Variants in FLNB observed in about 807,000 individuals in gnomAD.
FLNB encodes the protein filamin B.
FLNB carries 111 observed loss-of-function variants against 250.6 expected under a neutral mutation model. That is an observed-to-expected ratio of 0.44 (90% confidence interval 0.38 to 0.52). The LOEUF is 0.52. Among genes scored for constraint, FLNB ranks in the 20% least tolerant of loss-of-function variants. The pLI, the probability that FLNB is intolerant of heterozygous loss-of-function variation, is 0.00. For missense variants in FLNB, 2,869 were observed against 3,447.8 expected, an observed-to-expected ratio of 0.83 and a Z score of 4.20; for synonymous variants, 1,302 against 1,372.1, an observed-to-expected ratio of 0.95 and a Z score of 1.13.
chr3:58,156,790 A>G (rs1048378722), intron 41 of FLNB, among the ~76,000 whole-genome samples: 1 of 152,134 alleles, frequency 6.6e-6, no homozygotes, highest in Non-Finnish European at 1.5e-5. Flanking sequence ...TCTGCCTCCC[A>G]GGTTCAAGTG....
chr3:58,161,856 C>T (rs1258220571), intron 42 of FLNB, among the ~76,000 whole-genome samples: 2 of 152,192 alleles, frequency 1.3e-5, no homozygotes, highest in African/African-American at 2.4e-5. Context: ...AAGAGAGACA[C>T]CCTCTCAGGA....
intron 42 of FLNB, among the ~76,000 whole-genome samples, chr3:58,162,000 G>T (rs944627775): frequency 6.6e-6 from 1 of 152,164 alleles, no homozygotes. Context: ...ATTGACTAAG[G>T]CTTAGTGAAG....
chr3:58,152,824 A>G lies in FLNB; in HGVS notation c.6368-551A>G, dbSNP rs562501612. ...CCGCATGCGGCCGCCTGGCCTCACC[A>G]CGGCAGTGCAGGCACAGTCGTTGGC... On this transcript the variant is annotated intron_variant, in intron 38 of 45. Transcript: ENST00000295956. 239 of 1,077,888 alleles carry G rather than the reference A, an allele frequency of 2.2e-4. 8 individuals are homozygous for G. In the South Asian group the frequency reaches 2.8e-3, roughly 13 times the overall value. 66.8% of individuals were successfully genotyped at this position (1,077,888 alleles called of 1,614,324 possible).
At chr3:58,029,870 GT>G (rs5849232) in intron 1 of FLNB, among the ~76,000 whole-genome samples, 114,003 of 151,850 alleles carry the variant, frequency 0.75, 43,784 homozygotes, top group East Asian at 0.95. Flanking sequence ...TTGACTGAGT[GT>G]ACATGCTTTC....
chr3:58,106,352 C>CTATATATATATATA lies in FLNB; in HGVS notation c.1748-316_1748-303dup, dbSNP rs10540627. 1.5e-3 allele frequency among the ~76,000 whole-genome samples: 196 copies of CTATATATATATATA among 132,950 alleles called. 5 individuals carry two copies. The highest frequency in any genetic ancestry group is 2.4e-3 in the African/African-American group (90 of 36,858). The allele number at this position is 132,950 out of a possible 152,430, so 87.2% of individuals were successfully genotyped here. A position where few individuals can be genotyped will look rare whatever the true frequency, so the allele number is the denominator to read the frequency against. ...TAAAATACATATAATGTATTTAATA[C>CTATATATATATATA]TATATATATATATATATATATATAT... On this transcript the variant is annotated intron_variant, in intron 11 of 45. Coordinates refer to ENST00000295956, the MANE Select transcript of FLNB (RefSeq NM_001457.4).
chr3:58,025,032 T>A (rs977288837), intron 1 of FLNB, among the ~76,000 whole-genome samples: 2 of 123,012 alleles, frequency 1.6e-5, no homozygotes, highest in African/African-American at 5.9e-5. Context: ...TTTTTTTTTT[T>A]AAGTAGCTCC....
intron 36 of FLNB, chr3:58,149,103 G>A: frequency 1.9e-6 from 1 of 514,070 alleles, no homozygotes; most frequent in Non-Finnish European, 3.5e-6. Context: ...TGAACCCAGA[G>A]CCACAACACC....
intron 1 of FLNB, among the ~76,000 whole-genome samples, chr3:58,026,046 T>A (rs1157369773): frequency 6.6e-6 from 1 of 152,228 alleles, no homozygotes; most frequent in Non-Finnish European, 1.5e-5. Context: ...CAGCTGCTGC[T>A]GTTGTGGTGT....
Position 58,142,047 on chromosome 3 carries a change from G to A in FLNB, c.5181+118G>A. 1 of 823,294 alleles carries A rather than the reference G, an allele frequency of 1.2e-6. No homozygotes were observed. Among genetic ancestry groups the A allele is most frequent in the South Asian group, 1.4e-5 (1 of 71,500 alleles). 51.0% of individuals were successfully genotyped at this position (823,294 alleles called of 1,614,324 possible). On this transcript the variant is annotated intron_variant, in intron 30 of 45. Coordinates refer to ENST00000295956, the MANE Select transcript of FLNB (RefSeq NM_001457.4). This position sits in a 1 kb window ranked among gnomAD's most constrained non-coding sequence, Gnocchi z 4.3. ...CTGTGGGTGTCCTGGTCATTGGTGTGCCCCTCACTGATCAGCCCATCACGA... is the reference window on the plus strand; with the variant it reads ...CTGTGGGTGTCCTGGTCATTGGTGTACCCCTCACTGATCAGCCCATCACGA...
intron 1 of FLNB, among the ~76,000 whole-genome samples, chr3:58,070,883 C>G (rs916747634): frequency 1.3e-5 from 2 of 151,676 alleles, no homozygotes; most frequent in African/African-American, 4.8e-5. Context: ...AACTCCTGAC[C>G]TCGTGATCTG....
chr3:58,164,024 G>C lies in FLNB; in HGVS notation c.7198+694G>C, dbSNP rs2097366315. On this transcript the variant is annotated intron_variant, in intron 43 of 45. Coordinates refer to ENST00000295956, the MANE Select transcript of FLNB (RefSeq NM_001457.4). The surrounding 1 kb of genome is among the most constrained non-coding windows in gnomAD (Gnocchi z 4.0). ...TCTGGGAAGGGAGGACCTTCACCCT[G>C]TCTGTCATCTCATTGTCTGTCTTCA... The C allele has an allele frequency of 6.6e-6, 1 of 152,456 alleles. No individual in the cohort carries two copies. Among genetic ancestry groups the C allele is most frequent in the South Asian group, 2.1e-4 (1 of 4,826 alleles). The allele number at this position is 152,456 out of a possible 1,614,324, so 9.4% of individuals were successfully genotyped here.
chr3:58,078,003 C>T (rs1158736960), intron 2 of FLNB, among the ~76,000 whole-genome samples: 3 of 152,108 alleles, frequency 2.0e-5, no homozygotes, highest in Admixed American at 6.6e-5. Context: ...TTTCCATTTA[C>T]TGTGTATTCT....
chr3:58,168,761 TAC>T, intron 44 of FLNB, 103 bp downstream of exon 44: 1 of 850,664 alleles, frequency 1.2e-6, no homozygotes, highest in Non-Finnish European at 2.0e-6. Context: ...GTGTTAAAGC[TAC>T]TTTGAACTTT....
intron 16 of FLNB, 72 bp downstream of exon 16, chr3:58,110,242 T>C (rs2097266198): frequency 6.8e-7 from 1 of 1,464,788 alleles, no homozygotes; most frequent in African/African-American, 1.4e-5. Flanking sequence ...TGTGCATGTC[T>C]CATCTACTTT....
intron 44 of FLNB, chr3:58,168,876 T>C: frequency 1.7e-6 from 1 of 582,508 alleles, no homozygotes; most frequent in Non-Finnish European, 3.1e-6. Context: ...GTTAGGATGT[T>C]AGGTGGTTTT....
At chr3:58,070,656 CTCTCTTTTT>C (rs1559672208) in intron 1 of FLNB, among the ~76,000 whole-genome samples, 3 of 143,922 alleles carry the variant, frequency 2.1e-5, no homozygotes, top group African/African-American at 5.5e-5. Context: ...CTCTCTCTCT[CTCTCTTTTT>C]TTTTTTTTTT....
At chr3:58,150,064 G>T (rs1189961503) in intron 37 of FLNB, 41 bp from the exon 38 acceptor site, 1 of 1,614,268 alleles carries the variant, frequency 6.2e-7, no homozygotes, top group Non-Finnish European at 8.5e-7. Context: ...GCTGTGCCTT[G>T]GCCTCTGGCC....
intron 1 of FLNB, among the ~76,000 whole-genome samples, chr3:58,016,131 C>T (rs951129335): frequency 2.0e-5 from 3 of 151,940 alleles, no homozygotes. Context: ...ATGATCTCGG[C>T]TCACTGCAGC....
intron 9 of FLNB, among the ~76,000 whole-genome samples, chr3:58,102,988 A>G (rs2107086083): frequency 6.6e-6 from 1 of 151,682 alleles, no homozygotes; most frequent in East Asian, 1.9e-4. Context: ...GCATTTCAGC[A>G]CTTCTAGTCT....
Sources: gnomAD v4.1 joint callset for allele counts (sites outside exome capture counted in the v4.1 genomes callset) on GRCh38, gnomAD v4.1.1 for gene constraint, Gnocchi (gnomAD v3.1) non-coding constraint, MANE v1.5 for transcripts, NCBI Gene and HGNC (gene_info 2026-07-23, HGNC 2026-07-21) for gene names.